SEL1L: variants seen among roughly 807,000 people sequenced by gnomAD.
SEL1L encodes SEL1L adaptor subunit of SYVN1 ubiquitin ligase, also known as protein sel-1 homolog 1.
A neutral mutation model predicts 109.8 loss-of-function variants in SEL1L; 52 were observed. The observed-to-expected ratio is 0.47, with a 90% CI of 0.38 to 0.60. The LOEUF is 0.60. Ranked by LOEUF, SEL1L falls within the 20% of genes least tolerant of loss-of-function variation. SEL1L has a pLI of 0.00. For missense variants in SEL1L, 749 were observed against 962.2 expected, an observed-to-expected ratio of 0.78 and a Z score of 2.93; for synonymous variants, 373 against 339.6, an observed-to-expected ratio of 1.10 and a Z score of -1.08.
rs955629215 is a variant in SEL1L, at chr14:81,523,400, G to A, written c.340+3333C>T. 4.4e-4 allele frequency among the ~76,000 whole-genome samples: 67 copies of A among 152,270 alleles called. 1 individual carries two copies. Among genetic ancestry groups the A allele is most frequent in the Non-Finnish European group, 2.8e-4 (19 of 68,020 alleles). On this transcript the variant is annotated intron_variant, in intron 3 of 20. Coordinates refer to ENST00000336735, the MANE Select transcript of SEL1L (RefSeq NM_005065.6). ...TGGAGATTCCTGGAAGGTGGGTGGC[G>A]TGATCAGATCAGAGTGGGCATGGAA...
intron 16 of SEL1L, 28 bp downstream of exon 16, chr14:81,487,362 A>G: frequency 6.5e-7 from 1 of 1,547,602 alleles, no homozygotes; most frequent in Non-Finnish European, 8.6e-7. Flanking sequence ...TCAACTCCCT[A>G]CACACAAGCT....
At chr14:81,479,490 G>C in intron 20 of SEL1L, 122 bp downstream of exon 20, 1 of 943,444 alleles carries the variant, frequency 1.1e-6, no homozygotes, top group Non-Finnish European at 1.5e-6. Flanking sequence ...CTGAGGAGAA[G>C]GGAACACACC....
At chr14:81,489,187 G>A (rs914309979) in intron 14 of SEL1L, 65 bp downstream of exon 14, 1 of 1,416,140 alleles carries the variant, frequency 7.1e-7, no homozygotes, top group South Asian at 1.2e-5. Flanking sequence ...AGCTAATTAA[G>A]GAACATGTCC....
At chr14:81,507,111 G>T (rs1038056375) in intron 3 of SEL1L, among the ~76,000 whole-genome samples, 5 of 152,196 alleles carry the variant, frequency 3.3e-5, no homozygotes, top group African/African-American at 9.7e-5. Context: ...TGGCAAAGTG[G>T]ACAACAGAAG....
chr14:81,472,971 G>C lies in SEL1L; in HGVS notation c.*4001C>G. On this transcript the variant is annotated 3_prime_UTR_variant, in exon 21 of 21. Coordinates refer to ENST00000336735, the MANE Select transcript of SEL1L (RefSeq NM_005065.6). ...CAAGTTTCAAGATACAGTACAAAAC[G>C]ATTCTGTACATCTCTCTATTAACAG... is the stretch of plus-strand genomic sequence containing the variant. 1 of 161,982 alleles carries C rather than the reference G, an allele frequency of 6.2e-6. No individual in the cohort carries two copies. Among genetic ancestry groups the C allele is most frequent in the Non-Finnish European group, 1.4e-5 (1 of 73,578 alleles). The allele number at this position is 161,982 out of a possible 1,614,324, so 10.0% of individuals were successfully genotyped here. A position where few individuals can be genotyped will look rare whatever the true frequency, so the allele number is the denominator to read the frequency against.
chr14:81,508,564 T>C (rs866276962), intron 3 of SEL1L, among the ~76,000 whole-genome samples: 3 of 152,062 alleles, frequency 2.0e-5, no homozygotes, highest in Non-Finnish European at 2.9e-5. Flanking sequence ...CTGGGCAACA[T>C]GGTGAAACTC....
At chr14:81,504,486 A>ATATAT (rs373588323) in intron 4 of SEL1L, among the ~76,000 whole-genome samples, 180 bp from the exon 5 acceptor site, 1 of 151,280 alleles carries the variant, frequency 6.6e-6, no homozygotes, top group African/African-American at 2.4e-5. Context: ...ACTTAAAAAA[A>ATATAT]ATATATATAT....
intron 3 of SEL1L, among the ~76,000 whole-genome samples, chr14:81,510,960 T>C (rs759293508): frequency 1.7e-4 from 26 of 152,198 alleles, no homozygotes; most frequent in Non-Finnish European, 3.7e-4. Flanking sequence ...CCAGTACATA[T>C]GGTTTAAAGG....
At chr14:81,499,412 ATTC>A in intron 8 of SEL1L, 44 bp downstream of exon 8, 5 of 1,586,012 alleles carry the variant, frequency 3.2e-6, no homozygotes, top group Non-Finnish European at 3.4e-6. Context: ...TAAACCACAA[ATTC>A]TTCTGATGTT....
At chr14:81,481,505 C>T (rs1903355146) in intron 19 of SEL1L, among the ~76,000 whole-genome samples, 1 of 152,120 alleles carries the variant, frequency 6.6e-6, no homozygotes, top group Non-Finnish European at 1.5e-5. Flanking sequence ...TTTTCAAGAT[C>T]ATGGATCAAA....
At chr14:81,500,001 G>A (rs1883937274) in intron 6 of SEL1L, among the ~76,000 whole-genome samples, 1 of 150,770 alleles carries the variant, frequency 6.6e-6, no homozygotes, top group Non-Finnish European at 1.5e-5. Flanking sequence ...CGCCCACTGG[G>A]TTCAAGTGGT....
chr14:81,530,572 A>AT (rs1236960040), intron 1 of SEL1L, among the ~76,000 whole-genome samples: 2 of 152,218 alleles, frequency 1.3e-5, no homozygotes, highest in African/African-American at 2.4e-5. Flanking sequence ...AGAAAAAAAA[A>AT]GGTTAAGCCA....
At chr14:81,497,535 T>C (rs1883816246) in intron 10 of SEL1L, among the ~76,000 whole-genome samples, 2 of 152,202 alleles carry the variant, frequency 1.3e-5, no homozygotes, top group South Asian at 2.1e-4. Context: ...ACTTCTTGTT[T>C]AGAGAAAGTG....
Position 81,529,504 on chromosome 14 carries a change from C to T in SEL1L, c.71-1766G>A, listed in dbSNP as rs114761746. Among the ~76,000 whole-genome samples, 966 of 152,272 alleles carry T rather than the reference C, an allele frequency of 6.3e-3. 6 individuals are homozygous for T. Among genetic ancestry groups the T allele is most frequent in the African/African-American group, 0.016 (676 of 41,562 alleles). On this transcript the variant is annotated intron_variant, in intron 1 of 20. Transcript: ENST00000336735. Reference sequence around the variant, plus strand: ...TTACATAGGTAGCTAACAGGTGAATCATATGGACACATCTGTAAATACACT... The same window carrying T: ...TTACATAGGTAGCTAACAGGTGAATTATATGGACACATCTGTAAATACACT...
chr14:81,492,553 G>A lies in SEL1L; in HGVS notation c.1186-5C>T, dbSNP rs774700269. The A allele has an allele frequency of 1.9e-6, 3 of 1,581,940 alleles. No individual in the cohort carries two copies. The highest frequency in any genetic ancestry group is 3.5e-5 in the Admixed American group (2 of 56,874). ...ATTGAAGTAGTCAAATGCTCTCTAT[G>A]AGAAAAGAATTTATTAAAATAATTA... is the stretch of plus-strand genomic sequence containing the variant. On this transcript the variant is annotated splice_region_variant and splice_polypyrimidine_tract_variant and intron_variant, in intron 11 of 20. Transcript: ENST00000336735.
At chr14:81,479,350 A>G in intron 20 of SEL1L, 2 of 250,776 alleles carry the variant, frequency 8.0e-6, no homozygotes, top group South Asian at 1.5e-4. Flanking sequence ...AGTTTTCCCT[A>G]AACCAGAAAA....
chr14:81,481,835 A>T (rs2139984895), intron 19 of SEL1L, among the ~76,000 whole-genome samples: 1 of 152,304 alleles, frequency 6.6e-6, no homozygotes, highest in South Asian at 2.1e-4. Flanking sequence ...GTTCAAGACC[A>T]GCCTGGCCAA....
rs145721693 is a variant in SEL1L, at chr14:81,495,222, G to A, written c.1129-85C>T. 6.5e-3 allele frequency: 7,813 copies of A among 1,205,352 alleles called. 38 individuals are homozygous for A. The highest frequency in any genetic ancestry group is 8.0e-3 in the Admixed American group (432 of 54,328). The allele number at this position is 1,205,352 out of a possible 1,614,324, so 74.7% of individuals were successfully genotyped here. A position where few individuals can be genotyped will look rare whatever the true frequency, so the allele number is the denominator to read the frequency against. ...CAGACCAACAAGAAATGATTTGGTC[G>A]TAAAATGGCTTCTGTTCATGACTCA... On this transcript the variant is annotated intron_variant, in intron 10 of 20. Coordinates refer to ENST00000336735, the MANE Select transcript of SEL1L (RefSeq NM_005065.6).
intron 3 of SEL1L, among the ~76,000 whole-genome samples, chr14:81,513,692 G>A (rs181415395): frequency 1.2e-4 from 19 of 152,142 alleles, no homozygotes; most frequent in African/African-American, 3.9e-4. Context: ...AGTTAAAAGC[G>A]ACTAGCGCGG....
Sources: gnomAD v4.1 joint callset for allele counts (sites outside exome capture counted in the v4.1 genomes callset) on GRCh38, gnomAD v4.1.1 for gene constraint, MANE v1.5 for transcripts, NCBI Gene and HGNC (gene_info 2026-07-23, HGNC 2026-07-21) for gene names.